CMTM4: variants seen among roughly 807,000 people sequenced by gnomAD.
CMTM4 encodes CKLF-like MARVEL transmembrane domain-containing protein 4.
In CMTM4, 8 loss-of-function variants were observed where a neutral mutation model predicts 19.0. The ratio of observed to expected loss-of-function variants is 0.42; its 90% CI spans 0.25 to 0.76. The LOEUF (loss-of-function observed/expected upper bound fraction) is 0.76. Ranked by LOEUF, CMTM4 falls within the 30% of genes least tolerant of loss-of-function variation. The pLI is 0.27. For missense variants in CMTM4, 228 were observed against 290.2 expected, an observed-to-expected ratio of 0.79 and a Z score of 1.56; for synonymous variants, 106 against 121.1, an observed-to-expected ratio of 0.88 and a Z score of 0.82.
intron 2 of CMTM4, among the ~76,000 whole-genome samples, chr16:66,630,426 T>C (rs961719030): frequency 6.7e-5 from 10 of 150,190 alleles, no homozygotes; most frequent in African/African-American, 2.2e-4. Context: ...CTGGGCTCAA[T>C]GCAACCTCCC....
rs1737716395 is a variant in CMTM4, at chr16:66,615,830, T to C, written c.*6228A>G. 6.6e-6 allele frequency: 1 copy of C among 152,236 alleles called. No homozygotes were observed. Among genetic ancestry groups the C allele is most frequent in the African/African-American group, 2.4e-5 (1 of 41,456 alleles). The allele number at this position is 152,236 out of a possible 1,614,324, so 9.4% of individuals were successfully genotyped here. A position where few individuals can be genotyped will look rare whatever the true frequency, so the allele number is the denominator to read the frequency against. ...ATGCTACTCTTCTGTTTGTAAAATA[T>C]GGAACCACTTTCTTTGTACTGTTTG... On this transcript the variant is annotated 3_prime_UTR_variant, in exon 4 of 4. Coordinates refer to ENST00000394106, the MANE Select transcript of CMTM4 (RefSeq NM_181521.3). The surrounding 1 kb of genome is among the most constrained non-coding windows in gnomAD (Gnocchi z 4.9).
chr16:66,609,387 C>A, the CMTM4 span: 1 of 1,538,326 alleles, frequency 6.5e-7, no homozygotes. The surrounding 1 kb of genome is among the most constrained non-coding windows in gnomAD (Gnocchi z 4.4). Context: ...CCTCCCCATG[C>A]TGTGCTCAGC....
intron 1 of CMTM4, among the ~76,000 whole-genome samples, chr16:66,681,957 T>C (rs930812743): frequency 1.3e-5 from 2 of 152,168 alleles, no homozygotes; most frequent in South Asian, 2.1e-4. Context: ...CTTACAGCAA[T>C]GTGCCCCTTT....
rs1277767658 is a variant in CMTM4 at position 66,627,294 on chromosome 16, T to C, written c.364-3792A>G. Among the ~76,000 whole-genome samples the C allele has an allele frequency of 2.0e-5, 3 of 152,360 alleles. No individual in the cohort carries two copies. The East Asian group carries it at 5.8e-4, about 29-fold the overall frequency. Reference sequence around the variant, plus strand: ...TAATTTAAATGAAAAAGCATGATTTTAATGGTTCCATTTTTCTGCACTCAC... The same window carrying C: ...TAATTTAAATGAAAAAGCATGATTTCAATGGTTCCATTTTTCTGCACTCAC... On this transcript the variant is annotated intron_variant, in intron 2 of 3. Transcript: ENST00000394106.
At chr16:66,681,886 C>T (rs2016922334) in intron 1 of CMTM4, among the ~76,000 whole-genome samples, 2 of 152,220 alleles carry the variant, frequency 1.3e-5, no homozygotes, top group Admixed American at 1.3e-4. Flanking sequence ...GACCCTAGCA[C>T]CTGGGATATT....
intron 1 of CMTM4, among the ~76,000 whole-genome samples, chr16:66,683,170 T>TATATACATATATATATATATAC (rs200231322): frequency 1.2e-5 from 1 of 83,956 alleles, no homozygotes; most frequent in South Asian, 5.5e-4. Flanking sequence ...CGTATATATA[T>TATATACATATATATATATATAC]ATATACATAT....
At chr16:66,683,344 T>C (rs1458397817) in intron 1 of CMTM4, among the ~76,000 whole-genome samples, 2 of 131,748 alleles carry the variant, frequency 1.5e-5, no homozygotes, top group Admixed American at 9.1e-5. Context: ...CAGGCTGGAG[T>C]GCAGTGGCGT....
the CMTM4 span, among the ~76,000 whole-genome samples, chr16:66,600,136 G>GGTTTT: frequency 0.014 from 1,924 of 134,668 alleles, 51 homozygotes; most frequent in African/African-American, 0.019. Flanking sequence ...GTGTGTGTGT[G>GGTTTT]TTTTTTTTTG....
chr16:66,635,093 C>T (rs1338758493), intron 2 of CMTM4, among the ~76,000 whole-genome samples: 1 of 152,178 alleles, frequency 6.6e-6, no homozygotes, highest in African/African-American at 2.4e-5. Context: ...ATAGTATGAG[C>T]ATTTTAACTG....
At chr16:66,644,662 G>A (rs2016157166) in intron 1 of CMTM4, among the ~76,000 whole-genome samples, 1 of 152,188 alleles carries the variant, frequency 6.6e-6, no homozygotes, top group Non-Finnish European at 1.5e-5. Flanking sequence ...GGACAATGAG[G>A]TGTGAGTGGG....
intron 1 of CMTM4, among the ~76,000 whole-genome samples, chr16:66,681,492 T>C (rs2016914122): frequency 6.6e-6 from 1 of 152,000 alleles, no homozygotes; most frequent in African/African-American, 2.4e-5. Flanking sequence ...AATTTTTTTG[T>C]ATTTTTAGTA....
chr16:66,611,453 G>T (rs1184782167), downstream of CMTM4, among the ~76,000 whole-genome samples: 7 of 152,018 alleles, frequency 4.6e-5, no homozygotes, highest in Admixed American at 6.6e-5. Context: ...CATCTCGGGG[G>T]GAAAAAATTG....
chr16:66,617,935 A>C lies in CMTM4; in HGVS notation c.*4123T>G. The C allele has an allele frequency of 2.0e-6, 2 of 987,342 alleles. No homozygotes were observed. The highest frequency in any genetic ancestry group is 2.4e-6 in the Non-Finnish European group (2 of 831,278). 61.2% of individuals were successfully genotyped at this position (987,342 alleles called of 1,614,324 possible). A position where few individuals can be genotyped will look rare whatever the true frequency, so the allele number is the denominator to read the frequency against. On this transcript the variant is annotated 3_prime_UTR_variant, in exon 4 of 4. Coordinates refer to ENST00000394106, the MANE Select transcript of CMTM4 (RefSeq NM_181521.3). ...CAAGAGGACAGGAAGGCAGTTAACA[A>C]AGTACACGTTTCCAAGACAGCCTGA...
At chr16:66,623,054 G>A (rs1327301855) in intron 3 of CMTM4, among the ~76,000 whole-genome samples, 1 of 152,118 alleles carries the variant, frequency 6.6e-6, no homozygotes, top group Non-Finnish European at 1.5e-5. Flanking sequence ...CCCTTCCCCA[G>A]GCAGATAAGG....
intron 1 of CMTM4, among the ~76,000 whole-genome samples, chr16:66,637,996 C>A (rs181364558): frequency 1.3e-5 from 2 of 152,218 alleles, no homozygotes; most frequent in Non-Finnish European, 2.9e-5. Flanking sequence ...ATCCAAGGCA[C>A]GGGCTGTTCT....
chr16:66,655,181 G>A (rs866217682), intron 1 of CMTM4, among the ~76,000 whole-genome samples: 1 of 152,016 alleles, frequency 6.6e-6, no homozygotes, highest in Non-Finnish European at 1.5e-5. Context: ...ACAGGATTTC[G>A]CCATGTTGCC....
chr16:66,610,063 GA>G, downstream of CMTM4: 1 of 1,597,378 alleles, frequency 6.3e-7, no homozygotes, highest in East Asian at 2.2e-5. This position sits in a 1 kb window ranked among gnomAD's most constrained non-coding sequence, Gnocchi z 4.6. Flanking sequence ...CTCCCTCGGG[GA>G]TGCCAGCTAG....
At chr16:66,604,559 G>GA in the CMTM4 span, 4 of 316,096 alleles carry the variant, frequency 1.3e-5, no homozygotes, top group African/African-American at 8.8e-5. Context: ...GAAGAAGGTG[G>GA]AGTCTGCGGA....
intron 1 of CMTM4, among the ~76,000 whole-genome samples, chr16:66,693,026 C>A (rs1360348923): frequency 3.3e-5 from 5 of 151,988 alleles, no homozygotes; most frequent in Non-Finnish European, 5.9e-5. Context: ...AAGTTTGAGA[C>A]CAGCCTAGCC....
Sources: gnomAD v4.1 joint callset for allele counts (sites outside exome capture counted in the v4.1 genomes callset) on GRCh38, gnomAD v4.1.1 for gene constraint, Gnocchi (gnomAD v3.1) non-coding constraint, MANE v1.5 for transcripts, NCBI Gene and HGNC (gene_info 2026-07-23, HGNC 2026-07-21) for gene names.